The following GRM7 variants were observed in gnomAD, a reference collection of about 807,000 sequenced individuals.
GRM7 encodes the protein metabotropic glutamate receptor 7.
A neutral mutation model predicts 84.5 loss-of-function variants in GRM7; 35 were observed. The ratio of observed to expected loss-of-function variants is 0.41; its 90% CI spans 0.32 to 0.55. GRM7 has a LOEUF of 0.55. Among genes scored for constraint, GRM7 ranks in the 20% least tolerant of loss-of-function variants. The pLI is 0.19. For synonymous variants in GRM7, 487 were observed against 455.1 expected, an observed-to-expected ratio of 1.07 and a Z score of -0.89; for missense variants, 1,003 against 1,194.6, an observed-to-expected ratio of 0.84 and a Z score of 2.36.
intron 9 of GRM7, among the ~76,000 whole-genome samples, chr3:7,697,706 G>A (rs1299643708): frequency 2.0e-5 from 3 of 152,126 alleles, no homozygotes; most frequent in Non-Finnish European, 4.4e-5. Context: ...AAGGAGGAGT[G>A]AATTATTAGC....
At chr3:6,925,278 G>A (rs1697259675) in intron 1 of GRM7, among the ~76,000 whole-genome samples, 2 of 152,156 alleles carry the variant, frequency 1.3e-5, no homozygotes, top group African/African-American at 4.8e-5. Flanking sequence ...TGGATTCCAG[G>A]CACTTAGCAA....
At chr3:7,416,293 A>G (rs533222453) in intron 5 of GRM7, among the ~76,000 whole-genome samples, 1 of 152,270 alleles carries the variant, frequency 6.6e-6, no homozygotes, top group East Asian at 1.9e-4. Flanking sequence ...ATGATCTACC[A>G]TCTTATCAAC....
intron 1 of GRM7, among the ~76,000 whole-genome samples, chr3:6,923,338 C>G (rs1485209423): frequency 6.6e-6 from 1 of 151,398 alleles, no homozygotes; most frequent in Non-Finnish European, 1.5e-5. Flanking sequence ...AAAAAAAAAG[C>G]TAACTCAGTT....
At chr3:7,208,597 C>G (rs575632779) in intron 2 of GRM7, among the ~76,000 whole-genome samples, 2 of 152,166 alleles carry the variant, frequency 1.3e-5, no homozygotes, top group Admixed American at 1.3e-4. Context: ...ATATACCCAG[C>G]ACCAAGTATA....
chr3:6,907,282 T>C (rs1192951471), intron 1 of GRM7, among the ~76,000 whole-genome samples: 1 of 152,202 alleles, frequency 6.6e-6, no homozygotes, highest in Non-Finnish European at 1.5e-5. Flanking sequence ...TCATCGTTCC[T>C]GTCTCTCACC....
intron 1 of GRM7, among the ~76,000 whole-genome samples, chr3:7,005,117 C>A (rs796648046): frequency 2.6e-4 from 39 of 152,286 alleles, no homozygotes; most frequent in African/African-American, 9.4e-4. Flanking sequence ...GATGGCAGTT[C>A]TTGTCTTCGA....
At chr3:7,269,448 C>G (rs927056854) in intron 2 of GRM7, among the ~76,000 whole-genome samples, 7 of 152,102 alleles carry the variant, frequency 4.6e-5, no homozygotes, top group African/African-American at 1.2e-4. Flanking sequence ...GCCTGAACCC[C>G]CCCCCCAGAG....
chr3:7,298,331 G>A (rs902327984), intron 2 of GRM7, among the ~76,000 whole-genome samples: 1 of 152,104 alleles, frequency 6.6e-6, no homozygotes, highest in Non-Finnish European at 1.5e-5. Context: ...TTTACTTTTT[G>A]TAGTGTTATT....
chr3:7,241,073 C>T (rs1248991304), intron 2 of GRM7, among the ~76,000 whole-genome samples: 1 of 152,066 alleles, frequency 6.6e-6, no homozygotes, highest in Non-Finnish European at 1.5e-5. Context: ...TCAGAACATA[C>T]CCCCATTGAT....
chr3:7,179,317 A>G (rs1227848602), intron 2 of GRM7, among the ~76,000 whole-genome samples: 1 of 152,162 alleles, frequency 6.6e-6, no homozygotes, highest in Non-Finnish European at 1.5e-5. Flanking sequence ...TCCCCCTCCC[A>G]ATCATTTCTG....
At chr3:7,362,021 G>A (rs1693685657) in intron 4 of GRM7, among the ~76,000 whole-genome samples, 1 of 152,086 alleles carries the variant, frequency 6.6e-6, no homozygotes, top group Admixed American at 6.6e-5. Flanking sequence ...TTGGACTAAT[G>A]TTTAATAACT....
intron 1 of GRM7, among the ~76,000 whole-genome samples, chr3:6,924,550 T>A (rs1435125574): frequency 6.6e-6 from 1 of 152,080 alleles, no homozygotes; most frequent in African/African-American, 2.4e-5. Context: ...GCAGTGAAGA[T>A]TGAGAACTCT....
intron 5 of GRM7, among the ~76,000 whole-genome samples, chr3:7,436,439 G>A (rs1697059487): frequency 6.6e-6 from 1 of 151,834 alleles, no homozygotes; most frequent in Non-Finnish European, 1.5e-5. Flanking sequence ...AAATTTAAAA[G>A]CCATTCTTAG....
chr3:7,507,818 A>T (rs974278175), intron 7 of GRM7, among the ~76,000 whole-genome samples: 1 of 152,204 alleles, frequency 6.6e-6, no homozygotes, highest in Non-Finnish European at 1.5e-5. Flanking sequence ...TATTTCAAAC[A>T]AGACAGAATG....
rs1050946665 is a variant in GRM7 at position 7,738,738 on chromosome 3, T to C, written c.2699-1619T>C. Among the ~76,000 whole-genome samples, 22 of 140,424 alleles carry C rather than the reference T, an allele frequency of 1.6e-4. No individual in the cohort carries two copies. The East Asian group carries it at 1.8e-3, about 11-fold the overall frequency. The allele number at this position is 140,424 out of a possible 152,430, so 92.1% of individuals were successfully genotyped here. On this transcript the variant is annotated intron_variant, in intron 9 of 9. Coordinates refer to ENST00000357716, the MANE Select transcript of GRM7 (RefSeq NM_000844.4). ...TCTGGGTTTTCTTTTTTTTTTTTTT[T>C]CCCCTTCTTTTGTCCTGAGGATAAT...
At chr3:7,156,317 G>T (rs1284486245) in intron 2 of GRM7, among the ~76,000 whole-genome samples, 1 of 152,114 alleles carries the variant, frequency 6.6e-6, no homozygotes, top group East Asian at 1.9e-4. Flanking sequence ...CTATTTTCTG[G>T]AATATTCCCT....
intron 4 of GRM7, among the ~76,000 whole-genome samples, chr3:7,329,962 G>A (rs1003686060): frequency 6.6e-6 from 1 of 152,132 alleles, no homozygotes; most frequent in Non-Finnish European, 1.5e-5. Context: ...TTACATGAAT[G>A]ACTAGTGTTT....
intron 2 of GRM7, among the ~76,000 whole-genome samples, chr3:7,147,533 C>A (rs1559470070): frequency 6.6e-6 from 1 of 151,976 alleles, no homozygotes; most frequent in Non-Finnish European, 1.5e-5. Flanking sequence ...AGCAAACAAA[C>A]AAGCAAAGCA....
intron 1 of GRM7, among the ~76,000 whole-genome samples, chr3:6,885,246 C>G (rs1173410728): frequency 6.6e-6 from 1 of 152,204 alleles, no homozygotes; most frequent in Non-Finnish European, 1.5e-5. Context: ...CGCAGAGGTA[C>G]TGCTTCTTGC....
Sources: allele counts gnomAD v4.1 joint callset (sites outside exome capture counted in the v4.1 genomes callset), GRCh38; gene constraint gnomAD v4.1.1; transcripts MANE v1.5; gene names NCBI Gene and HGNC (gene_info 2026-07-23, HGNC 2026-07-21).